Variants in DENND4C observed in about 807,000 individuals in gnomAD.
The protein encoded by DENND4C is DENN domain-containing protein 4C.
DENND4C carries 108 observed loss-of-function variants against 203.0 expected under a neutral mutation model. The observed-to-expected ratio is 0.53, with a 90% CI of 0.46 to 0.62. The LOEUF (loss-of-function observed/expected upper bound fraction) is 0.62, where lower values mean the gene tolerates loss of function less well. Ranked by LOEUF, DENND4C falls within the 20% of genes least tolerant of loss-of-function variation. The probability of loss-of-function intolerance (pLI) is 0.00; values close to 1 mark genes in which losing one functional copy is unlikely to be tolerated. For missense variants in DENND4C, 2,481 were observed against 2,301.2 expected, an observed-to-expected ratio of 1.08 and a Z score of -1.60; for synonymous variants, 871 against 792.4, an observed-to-expected ratio of 1.10 and a Z score of -1.67.
chr9:19,330,852 C>G (rs931458200), intron 16 of DENND4C, among the ~76,000 whole-genome samples: 32 of 151,992 alleles, frequency 2.1e-4, no homozygotes, highest in Admixed American at 1.9e-3. Flanking sequence ...GAGTTCTAGA[C>G]CAGTCTGGCC....
At chr9:19,335,696 AT>A (rs1820307100) in intron 18 of DENND4C, among the ~76,000 whole-genome samples, 1 of 151,774 alleles carries the variant, frequency 6.6e-6, no homozygotes, top group South Asian at 2.1e-4. Flanking sequence ...TTCCTTTTTT[AT>A]TTCAGGCTGA....
At chr9:19,244,133 C>T (rs1476784651) in intron 1 of DENND4C, among the ~76,000 whole-genome samples, 2 of 151,792 alleles carry the variant, frequency 1.3e-5, no homozygotes, top group Non-Finnish European at 2.9e-5. Context: ...CGGGTTTAAG[C>T]GATTCTCCTG....
intron 16 of DENND4C, among the ~76,000 whole-genome samples, chr9:19,328,891 A>G (rs1208844491): frequency 1.3e-5 from 2 of 151,902 alleles, no homozygotes; most frequent in Non-Finnish European, 2.9e-5. Context: ...TCTACTAAAA[A>G]TACAAAATTA....
intron 16 of DENND4C, among the ~76,000 whole-genome samples, chr9:19,331,073 G>A (rs1402846193): frequency 1.3e-5 from 2 of 151,444 alleles, no homozygotes; most frequent in Non-Finnish European, 2.9e-5. Flanking sequence ...AAATAACAAA[G>A]AAAACACCAA....
chr9:19,350,831 G>T lies in DENND4C; in HGVS notation c.4447G>T (p.Gly1483Cys). The change falls in exon 24 of 33, where the codon GGC (glycine) becomes TGC (cysteine). Residue 1483 changes from glycine to cysteine, a missense_variant. This residue lies in a region of DENND4C where 2,289 missense variants were observed against 2,113.3 expected (regional missense o/e 1.08). Coordinates refer to ENST00000434457, the MANE Select transcript of DENND4C (RefSeq NM_001330640.2). Reference sequence around the variant, plus strand: ...ACTTACCCAGAGCAACACAAGTCTTGGCAGTAGCAGCAGTAGTGGAGATGT... The same window carrying T: ...ACTTACCCAGAGCAACACAAGTCTTTGCAGTAGCAGCAGTAGTGGAGATGT... ...SELTQSNTSL[G>C]SSSSSGDVGK... The T allele has an allele frequency of 6.2e-7, 1 of 1,614,026 alleles. No individual in the cohort carries two copies. Among genetic ancestry groups the T allele is most frequent in the Non-Finnish European group, 8.5e-7 (1 of 1,180,000 alleles).
intron 23 of DENND4C, among the ~76,000 whole-genome samples, chr9:19,350,004 T>G (rs566775065): frequency 4.8e-4 from 73 of 152,340 alleles, no homozygotes; most frequent in Admixed American, 1.4e-3. Flanking sequence ...GTATTTAATT[T>G]TTTAAAATCA....
chr9:19,357,480 A>C (rs1478659408), intron 27 of DENND4C: 3 of 278,208 alleles, frequency 1.1e-5, no homozygotes, highest in East Asian at 1.7e-4. Flanking sequence ...TTAAATACTA[A>C]TTGAATCAAA....
At chr9:19,267,549 T>A (rs1405940872) in intron 1 of DENND4C, among the ~76,000 whole-genome samples, 1 of 152,174 alleles carries the variant, frequency 6.6e-6, no homozygotes, top group Non-Finnish European at 1.5e-5. Context: ...TTTTTTTGTT[T>A]TTTTAGAGAC....
chr9:19,313,294 G>T (rs1048797362), intron 10 of DENND4C, among the ~76,000 whole-genome samples: 43 of 152,080 alleles, frequency 2.8e-4, no homozygotes, highest in African/African-American at 9.4e-4. Flanking sequence ...CAAAAACAAT[G>T]AATTTTACAA....
intron 9 of DENND4C, among the ~76,000 whole-genome samples, chr9:19,302,922 T>TAGAAC (rs1838887713): frequency 6.6e-6 from 1 of 152,214 alleles, no homozygotes; most frequent in African/African-American, 2.4e-5. Context: ...TGAGTCCTGT[T>TAGAAC]CTGTTTGTCC....
intron 1 of DENND4C, among the ~76,000 whole-genome samples, chr9:19,247,050 T>A (rs1825458860): frequency 6.6e-6 from 1 of 152,206 alleles, no homozygotes; most frequent in African/African-American, 2.4e-5. Context: ...TCTCAATCCG[T>A]AAATTACTCT....
At chr9:19,339,692 A>T (rs956272718) in intron 20 of DENND4C, among the ~76,000 whole-genome samples, 10 of 152,168 alleles carry the variant, frequency 6.6e-5, no homozygotes, top group Non-Finnish European at 8.8e-5. Context: ...ATGTGCTAAT[A>T]TCCTTTCTCA....
At chr9:19,252,812 T>G (rs535563118) in intron 1 of DENND4C, among the ~76,000 whole-genome samples, 1 of 152,238 alleles carries the variant, frequency 6.6e-6, no homozygotes, top group African/African-American at 2.4e-5. Flanking sequence ...CTTGGCTCAC[T>G]GCAACCTCTG....
intron 7 of DENND4C, 127 bp from the exon 8 acceptor site, chr9:19,299,102 A>G: frequency 1.5e-6 from 1 of 651,338 alleles, no homozygotes; most frequent in Admixed American, 3.9e-5. Flanking sequence ...GTGTTTGCAT[A>G]TTAAATTATT....
chr9:19,303,675 A>G (rs892731268), intron 9 of DENND4C, among the ~76,000 whole-genome samples: 3 of 152,162 alleles, frequency 2.0e-5, no homozygotes, highest in African/African-American at 7.2e-5. Context: ...CAAAATTCCA[A>G]TCCTGAATAA....
chr9:19,299,265 G>A lies in DENND4C; in HGVS notation c.1144G>A (p.Val382Ile). The A allele has an allele frequency of 6.3e-7, 1 of 1,578,212 alleles. No homozygotes were observed. Among genetic ancestry groups the A allele is most frequent in the Non-Finnish European group, 8.6e-7 (1 of 1,165,366 alleles). ...VHDALILSQP[V>I]STPLPLSGAN... ...TGATGCATTAATATTATCACAGCCA[G>A]TTTCTACACCTTTACCACTAAGGTA... Residue 382 changes from valine (V) to isoleucine (I), a missense_variant, in exon 8 of 33, where the codon GTT (valine) becomes ATT (isoleucine). Coordinates refer to ENST00000434457, the MANE Select transcript of DENND4C (RefSeq NM_001330640.2).
intron 10 of DENND4C, among the ~76,000 whole-genome samples, chr9:19,314,730 A>T (rs916301938): frequency 6.6e-6 from 1 of 152,256 alleles, no homozygotes; most frequent in Non-Finnish European, 1.5e-5. Flanking sequence ...CATTTCATTA[A>T]TAAAGGTACA....
At chr9:19,308,962 C>G (rs1840227216) in intron 10 of DENND4C, among the ~76,000 whole-genome samples, 1 of 152,110 alleles carries the variant, frequency 6.6e-6, no homozygotes, top group Non-Finnish European at 1.5e-5. Context: ...ACCTTGAAAA[C>G]ATTATGTTAA....
At chr9:19,259,974 A>G (rs765860399) in intron 1 of DENND4C, among the ~76,000 whole-genome samples, 21 of 152,106 alleles carry the variant, frequency 1.4e-4, no homozygotes, top group African/African-American at 5.1e-4. Flanking sequence ...TTTGGTATAT[A>G]TCTATCATAG....
Sources: allele counts gnomAD v4.1 joint callset (sites outside exome capture counted in the v4.1 genomes callset), GRCh38; gene constraint gnomAD v4.1.1; regional missense constraint gnomAD v4.1.1; transcripts MANE v1.5; gene names NCBI Gene and HGNC (gene_info 2026-07-23, HGNC 2026-07-21).